Variants in CSMD1 observed in about 807,000 individuals in gnomAD.
The protein encoded by CSMD1 is CUB and Sushi multiple domains 1, also known as CUB and sushi domain-containing protein 1.
A neutral mutation model predicts 417.5 loss-of-function variants in CSMD1; 213 were observed. That is an observed-to-expected ratio of 0.51 (90% CI 0.46 to 0.57). CSMD1 has a LOEUF of 0.57. Ranked by LOEUF, CSMD1 falls within the 20% of genes least tolerant of loss-of-function variation. The probability of loss-of-function intolerance (pLI) is 0.00; values close to 1 mark genes in which losing one functional copy is unlikely to be tolerated. For synonymous variants in CSMD1, 2,862 were observed against 1,736.8 expected (o/e 1.65, Z -16.11); for missense variants, 6,923 against 4,529.7 (o/e 1.53, Z -15.17).
At chr8:4,140,670 T>G (rs13269087) in intron 3 of CSMD1, among the ~76,000 whole-genome samples, 45,130 of 150,252 alleles carry the variant, frequency 0.3, 8,407 homozygotes, top group Non-Finnish European at 0.39. Flanking sequence ...CCTGTCTCAA[T>G]TAAAAATAAT....
rs200750943 is a variant in CSMD1 at position 4,139,092 on chromosome 8, A to G, written c.416-106993T>C. ...AGAGCAACAATGTCTTTTACCGACC[A>G]CAACACAGCTACACATGAAGACCCC... On this transcript the variant is annotated intron_variant, in intron 3 of 69. Transcript: ENST00000635120. Among the ~76,000 whole-genome samples, 80 of 152,270 alleles carry G rather than the reference A, an allele frequency of 5.3e-4. 2 individuals carry two copies. In the East Asian group the frequency reaches 0.01, roughly 20 times the overall value.
intron 12 of CSMD1, among the ~76,000 whole-genome samples, chr8:3,426,563 C>G (rs940471880): frequency 1.3e-5 from 2 of 152,176 alleles, no homozygotes; most frequent in Admixed American, 6.5e-5. Context: ...AACACCAGGA[C>G]AGATGAAGAT....
At chr8:4,272,582 C>G (rs1804674690) in intron 3 of CSMD1, among the ~76,000 whole-genome samples, 2 of 152,022 alleles carry the variant, frequency 1.3e-5, no homozygotes, top group Non-Finnish European at 1.5e-5. Flanking sequence ...TGCAGTATAC[C>G]TTTTTTGAAG....
chr8:4,476,714 C>A (rs1022547858), intron 2 of CSMD1, among the ~76,000 whole-genome samples: 31 of 152,128 alleles, frequency 2.0e-4, no homozygotes, highest in Non-Finnish European at 1.5e-5. Context: ...TCACCACTCA[C>A]TTTATGAATA....
intron 4 of CSMD1, among the ~76,000 whole-genome samples, chr8:4,015,186 T>C (rs1444029052): frequency 6.6e-6 from 1 of 152,232 alleles, no homozygotes; most frequent in Non-Finnish European, 1.5e-5. Context: ...TCAGTCTTAC[T>C]TTGTATTTCT....
At chr8:3,855,529 T>A (rs117804076) in intron 5 of CSMD1, among the ~76,000 whole-genome samples, 1,715 of 152,334 alleles carry the variant, frequency 0.011, 24 homozygotes, top group Non-Finnish European at 0.015. Flanking sequence ...ATCGCCATGT[T>A]GCCACTGTAG....
chr8:4,228,199 G>C (rs1210185061), intron 3 of CSMD1, among the ~76,000 whole-genome samples: 1 of 152,148 alleles, frequency 6.6e-6, no homozygotes, highest in Non-Finnish European at 1.5e-5. Context: ...CCACATCCAG[G>C]TTTCCTTGGC....
At chr8:2,994,899 G>C (rs980178336) in intron 54 of CSMD1, among the ~76,000 whole-genome samples, 2 of 152,016 alleles carry the variant, frequency 1.3e-5, no homozygotes, top group Admixed American at 1.3e-4. Context: ...TTAAATCTCA[G>C]ACTTTATACA....
chr8:4,059,254 G>C lies in CSMD1; in HGVS notation c.416-27155C>G, dbSNP rs113122894. On this transcript the variant is annotated intron_variant, in intron 3 of 69. Transcript: ENST00000635120. ...GTTCTTTGAAACCAAAGAGAAGAAA[G>C]ACACAACATACCAGAATCTCTGGGA... Among the ~76,000 whole-genome samples, 586 of 152,166 alleles carry C rather than the reference G, an allele frequency of 3.9e-3. 3 individuals carry two copies. Among genetic ancestry groups the C allele is most frequent in the African/African-American group, 0.013 (558 of 41,514 alleles).
intron 5 of CSMD1, among the ~76,000 whole-genome samples, chr8:3,804,577 T>G (rs997672896): frequency 6.6e-6 from 1 of 152,206 alleles, no homozygotes; most frequent in African/African-American, 2.4e-5. Context: ...GGTCCAATTT[T>G]TTCTTTTATG....
chr8:3,946,700 C>G (rs1211406326), intron 5 of CSMD1, among the ~76,000 whole-genome samples: 1 of 152,030 alleles, frequency 6.6e-6, no homozygotes, highest in Non-Finnish European at 1.5e-5. Flanking sequence ...GTGTATCTCC[C>G]CTTTTCATTT....
At chr8:3,549,739 G>C (rs1458274670) in intron 10 of CSMD1, among the ~76,000 whole-genome samples, 1 of 152,082 alleles carries the variant, frequency 6.6e-6, no homozygotes, top group East Asian at 1.9e-4. Flanking sequence ...CCAGCAAGAA[G>C]GCGATCCCCA....
intron 8 of CSMD1, among the ~76,000 whole-genome samples, chr8:3,603,954 T>A (rs1801483546): frequency 6.6e-6 from 1 of 152,220 alleles, no homozygotes; most frequent in Non-Finnish European, 1.5e-5. Context: ...AATAATTATG[T>A]TCTTACAAGT....
intron 1 of CSMD1, among the ~76,000 whole-genome samples, chr8:4,672,602 T>C (rs1563112576): frequency 6.6e-6 from 1 of 152,294 alleles, no homozygotes; most frequent in East Asian, 1.9e-4. Flanking sequence ...AAATAAAATG[T>C]GCTACGTATG....
At chr8:4,019,411 C>CT (rs1226294408) in intron 4 of CSMD1, among the ~76,000 whole-genome samples, 4 of 152,130 alleles carry the variant, frequency 2.6e-5, no homozygotes, top group African/African-American at 9.7e-5. Context: ...CTGCTTTTAG[C>CT]TTCCCTATCT....
intron 11 of CSMD1, among the ~76,000 whole-genome samples, chr8:3,490,905 A>C (rs967884889): frequency 2.6e-5 from 4 of 152,200 alleles, no homozygotes; most frequent in Non-Finnish European, 4.4e-5. Flanking sequence ...TTGTCAACAA[A>C]AAAGAGTCAT....
chr8:3,586,232 C>T lies in CSMD1; in HGVS notation c.1126G>A (p.Glu376Lys). The T allele has an allele frequency of 1.2e-6, 2 of 1,609,112 alleles. No individual in the cohort carries two copies. The highest frequency in any genetic ancestry group is 1.7e-6 in the Non-Finnish European group (2 of 1,178,546). ...GATCCCTGGAGCACGTAATTGTCCTCACATGAAAACTGTACATTTGCACCA... is the reference window on the plus strand; with the variant it reads ...GATCCCTGGAGCACGTAATTGTCCTTACATGAAAACTGTACATTTGCACCA... ...RVGANVQFSCEDNYVLQGSKS... is the reference protein window; with the variant it reads ...RVGANVQFSCKDNYVLQGSKS... The change falls in exon 9 of 70, where the codon GAG becomes AAG. Residue 376 changes from glutamate (E) to lysine (K), a missense_variant. Coordinates refer to ENST00000635120, the MANE Select transcript of CSMD1 (RefSeq NM_033225.6).
At chr8:3,080,367 G>A (rs968601172) in intron 49 of CSMD1, among the ~76,000 whole-genome samples, 1 of 152,236 alleles carries the variant, frequency 6.6e-6, no homozygotes, top group Non-Finnish European at 1.5e-5. Context: ...CCTGAGGACA[G>A]AAGATCTGCC....
At chr8:4,146,428 C>T (rs1275522964) in intron 3 of CSMD1, among the ~76,000 whole-genome samples, 1 of 150,206 alleles carries the variant, frequency 6.7e-6, no homozygotes, top group Non-Finnish European at 1.5e-5. Flanking sequence ...AAGACGTGTA[C>T]CCAGGATGTG....
Sources: gnomAD v4.1 joint callset for allele counts (sites outside exome capture counted in the v4.1 genomes callset) on GRCh38, gnomAD v4.1.1 for gene constraint, MANE v1.5 for transcripts, NCBI Gene and HGNC (gene_info 2026-07-23, HGNC 2026-07-21) for gene names.